Variants in B4GALT5 observed in about 807,000 individuals in gnomAD.
B4GALT5 encodes UDP-Gal:beta-GlcNAc beta-1,4-galactosyltransferase 5.
In B4GALT5, 11 loss-of-function variants were observed where a neutral mutation model predicts 45.0. That is an observed-to-expected ratio of 0.24 (90% CI 0.15 to 0.40). The LOEUF is 0.40. B4GALT5 is among the 10% of genes least tolerant of loss of function. The pLI is 1.00. For synonymous variants in B4GALT5, 185 were observed against 182.9 expected, an observed-to-expected ratio of 1.01 and a Z score of -0.09; for missense variants, 337 against 500.2, an observed-to-expected ratio of 0.67 and a Z score of 3.11.
chr20:49,655,628 A>G (rs2123016953), intron 2 of B4GALT5, among the ~76,000 whole-genome samples: 1 of 151,892 alleles, frequency 6.6e-6, no homozygotes, highest in Middle Eastern at 3.4e-3. Flanking sequence ...TCAGTTTTTG[A>G]AAGAGTTGAA....
chr20:49,710,707 C>CTGT (rs2085905592), intron 1 of B4GALT5, among the ~76,000 whole-genome samples: 1 of 151,970 alleles, frequency 6.6e-6, no homozygotes, highest in Non-Finnish European at 1.5e-5. Context: ...TGTGAGCCAC[C>CTGT]ACACCCAGCC....
At chr20:49,672,733 C>T (rs1174231400) in intron 1 of B4GALT5, among the ~76,000 whole-genome samples, 2 of 152,140 alleles carry the variant, frequency 1.3e-5, no homozygotes, top group African/African-American at 4.8e-5. Context: ...CAAGGTGGCT[C>T]ACACCTATAA....
rs546655916 is a variant in B4GALT5 at position 49,703,616 on chromosome 20, T to C, written c.115+9960A>G. 3.3e-5 allele frequency among the ~76,000 whole-genome samples: 5 copies of C among 152,078 alleles called. No homozygotes were observed. In the South Asian group the frequency reaches 6.2e-4, roughly 19 times the overall value. ...TAAAACATACAGATTCAGCCGGGCATGGTGGCTCAAGCCTGTAATCCCAGC... is the reference window on the plus strand; with the variant it reads ...TAAAACATACAGATTCAGCCGGGCACGGTGGCTCAAGCCTGTAATCCCAGC... On this transcript the variant is annotated intron_variant, in intron 1 of 8. Transcript: ENST00000371711.
At chr20:49,637,519 T>A in intron 7 of B4GALT5, 77 bp from the exon 8 acceptor site, 1 of 1,031,478 alleles carries the variant, frequency 9.7e-7, no homozygotes, top group Non-Finnish European at 1.5e-6. Context: ...CAAGACATGT[T>A]ACAAGCTTAC....
chr20:49,683,967 C>A (rs113402996), intron 1 of B4GALT5, among the ~76,000 whole-genome samples: 5 of 150,982 alleles, frequency 3.3e-5, no homozygotes, highest in African/African-American at 1.2e-4. Flanking sequence ...ATAGTAAAAC[C>A]CTGTCTCTAC....
intron 4 of B4GALT5, among the ~76,000 whole-genome samples, chr20:49,643,031 C>A (rs1305895107): frequency 1.3e-5 from 2 of 152,220 alleles, no homozygotes; most frequent in Admixed American, 6.5e-5. Context: ...GAGGCTGGCA[C>A]AGAATACGCA....
In B4GALT5 at chr20:49,640,485, T is replaced by C. The variant is rs762990331; in HGVS notation, c.787A>G (p.Met263Val). Reference sequence around the variant, plus strand: ...AGAAGAAATGATACTCACAGATACATATACTTATCCAATTTGGTTGCAAAA... The same window carrying C: ...AGAAGAAATGATACTCACAGATACACATACTTATCCAATTTGGTTGCAAAA... ...RHFATKLDKY[M>V]YLLPYTEFFG... is the part of the protein sequence containing the mutation. The change falls in exon 6 of 9, where the codon ATG becomes GTG. Residue 263 changes from methionine (M) to valine (V), a missense_variant. Transcript: ENST00000371711. The C allele has an allele frequency of 1.2e-6, 2 of 1,606,158 alleles. No individual in the cohort carries two copies. The highest frequency in any genetic ancestry group is 1.7e-6 in the Non-Finnish European group (2 of 1,177,306).
chr20:49,637,110 CAT>C (rs1719029271), intron 8 of B4GALT5, among the ~76,000 whole-genome samples: 1 of 152,156 alleles, frequency 6.6e-6, no homozygotes, highest in Admixed American at 6.5e-5. Context: ...AGGCTGAAGA[CAT>C]AGGACAAGTG....
intron 1 of B4GALT5, among the ~76,000 whole-genome samples, chr20:49,712,237 T>C (rs2085916074): frequency 6.6e-6 from 1 of 152,220 alleles, no homozygotes; most frequent in African/African-American, 2.4e-5. Context: ...AGAACATGTA[T>C]CTACTTCCAT....
At chr20:49,656,407 C>T (rs1347834053) in intron 2 of B4GALT5, among the ~76,000 whole-genome samples, 161 bp downstream of exon 2, 1 of 152,154 alleles carries the variant, frequency 6.6e-6, no homozygotes, top group Non-Finnish European at 1.5e-5. Flanking sequence ...CAAAAATGAA[C>T]GAGGATTCAT....
At chr20:49,649,763 T>G (rs937082728) in intron 2 of B4GALT5, among the ~76,000 whole-genome samples, 13 of 152,154 alleles carry the variant, frequency 8.5e-5, no homozygotes, top group African/African-American at 2.9e-4. Flanking sequence ...TCAGGATGAA[T>G]CTAATAGATG....
rs748958069 is a variant in B4GALT5 at position 49,647,042 on chromosome 20, A to C, written c.287T>G (p.Leu96Arg). The C allele has an allele frequency of 5.0e-6, 8 of 1,614,004 alleles. No individual in the cohort carries two copies. In the East Asian group the frequency reaches 1.8e-4, roughly 36 times the overall value. The change falls in exon 3 of 9, where the codon CTG becomes CGG. Residue 96 changes from leucine (L) to arginine (R), a missense_variant. Around this residue, in one of 2 missense-constraint regions of B4GALT5, gnomAD observed 174 missense variants for 207.4 expected, o/e 0.84. Coordinates refer to ENST00000371711, the MANE Select transcript of B4GALT5 (RefSeq NM_004776.4). ...TTCAGGAAGAAATGTTGTAGTTTGC[A>C]GGAAGGTTTCACTGTGGTTCAAGTC... ...PLDLNHSETF[L>R]QTTTFLPEDF...
intron 1 of B4GALT5, among the ~76,000 whole-genome samples, chr20:49,703,730 A>AAAAAAAAAAATAAT (rs372330207): frequency 0.13 from 18,330 of 144,412 alleles, 1,392 homozygotes; most frequent in African/African-American, 0.22. Flanking sequence ...TTCTACTAAA[A>AAAAAAAAAAATAAT]AAAAAAAAAA....
At chr20:49,677,776 C>T (rs1178585099) in intron 1 of B4GALT5, among the ~76,000 whole-genome samples, 2 of 152,188 alleles carry the variant, frequency 1.3e-5, no homozygotes, top group East Asian at 3.9e-4. Context: ...GATGGAGTCT[C>T]ACTCTAACGC....
chr20:49,712,848 GAGAT>G (rs1382699893), intron 1 of B4GALT5, among the ~76,000 whole-genome samples: 3 of 119,270 alleles, frequency 2.5e-5, no homozygotes, highest in Admixed American at 8.0e-5. Flanking sequence ...GGGGGGGGGG[GAGAT>G]GGGGAAGAGG....
At chr20:49,692,008 T>C (rs1234449992) in intron 1 of B4GALT5, among the ~76,000 whole-genome samples, 1 of 152,258 alleles carries the variant, frequency 6.6e-6, no homozygotes, top group Non-Finnish European at 1.5e-5. Context: ...AAGGTACATA[T>C]AACCTGATTC....
In B4GALT5 at chr20:49,663,675, GAAA is replaced by G. The variant is rs869246702; in HGVS notation, c.116-6976_116-6974del. ...GCAACATAGTGAGAATTCATCTCAA[GAAA>G]AAAAAAAAAAAAATATATACATATA... On this transcript the variant is annotated intron_variant, in intron 1 of 8. Coordinates refer to ENST00000371711, the MANE Select transcript of B4GALT5 (RefSeq NM_004776.4). Among the ~76,000 whole-genome samples, 11 of 3,012 alleles carry G rather than the reference GAAA, an allele frequency of 3.7e-3. 1 individual carries two copies. Among genetic ancestry groups the G allele is most frequent in the African/African-American group, 8.4e-3 (10 of 1,188 alleles). 2.0% of individuals were successfully genotyped at this position (3,012 alleles called of 152,430 possible). A position where few individuals can be genotyped will look rare whatever the true frequency, so the allele number is the denominator to read the frequency against.
At chr20:49,637,575 C>T (rs1398392521) in intron 7 of B4GALT5, 133 bp from the exon 8 acceptor site, 2 of 644,562 alleles carry the variant, frequency 3.1e-6, no homozygotes, top group South Asian at 3.7e-5. Context: ...TTAACTGACT[C>T]ATTGTGTCAT....
intron 1 of B4GALT5, among the ~76,000 whole-genome samples, chr20:49,680,064 C>G (rs2085757883): frequency 6.6e-6 from 1 of 152,082 alleles, no homozygotes; most frequent in Non-Finnish European, 1.5e-5. Context: ...TTCAGGTTTT[C>G]TATCTATTTC....
Sources: gnomAD v4.1 joint callset for allele counts (sites outside exome capture counted in the v4.1 genomes callset) on GRCh38, gnomAD v4.1.1 for gene constraint, gnomAD v4.1.1 regional missense constraint, MANE v1.5 for transcripts, NCBI Gene and HGNC (gene_info 2026-07-23, HGNC 2026-07-21) for gene names.